Variants in NCLN observed in about 807,000 individuals in gnomAD.
The protein encoded by NCLN is nicalin.
NCLN carries 34 observed loss-of-function variants against 69.5 expected under a neutral mutation model. That is an observed-to-expected ratio of 0.49 (90% confidence interval 0.37 to 0.65). The LOEUF is 0.65. Among genes scored for constraint, NCLN ranks in the 30% least tolerant of loss-of-function variants. The pLI is 0.00. For missense variants in NCLN, 710 were observed against 804.8 expected, an observed-to-expected ratio of 0.88 and a Z score of 1.42; for synonymous variants, 393 against 358.3, an observed-to-expected ratio of 1.10 and a Z score of -1.09.
Position 3,204,094 on chromosome 19 carries a change from C to T in NCLN, c.979C>T (p.Pro327Ser), listed in dbSNP as rs777129294. 7 of 1,534,058 alleles carry T rather than the reference C, an allele frequency of 4.6e-6. No individual in the cohort carries two copies. Among genetic ancestry groups the T allele is most frequent in the South Asian group, 2.5e-5 (2 of 78,888 alleles). Residue 327 changes from proline to serine, a missense_variant, in exon 8 of 15, where the codon CCG becomes TCG. Physicochemically the swap from Pro to Ser is moderately conservative, Grantham distance 74 (BLOSUM62 -1). Coordinates refer to ENST00000246117, the MANE Select transcript of NCLN (RefSeq NM_020170.4). The part of the protein sequence containing the change: ...GSSLHLHVSK[P>S]PREGTLQHAF... ...CAGCCTGCACCTGCACGTGTCCAAG[C>T]CGCCTCGGGAGGGCACCCTGCAGCA...
Position 3,186,118 on chromosome 19 carries a change from C to G in NCLN, c.88C>G (p.Leu30Val), listed in dbSNP as rs1444816883. The G allele has an allele frequency of 6.3e-7, 1 of 1,598,120 alleles. No individual in the cohort carries two copies. Among genetic ancestry groups the G allele is most frequent in the Non-Finnish European group, 8.5e-7 (1 of 1,174,190 alleles). The change falls in exon 1 of 15, where the codon CTG becomes GTG. Residue 30 changes from leucine to valine, a missense_variant. By Grantham distance (32) the Leu-to-Val change is conservative. Transcript: ENST00000246117. ...LGFIVFLPAV[L>V]LLVAPPLPAA... is the part of the protein sequence containing the mutation. ...CTTCATCGTCTTCCTGCCCGCTGTG[C>G]TGCTGCTGGTGGCGCCGCCGCTGCC...
At chr19:3,193,791 A>G (rs1243608467) in intron 3 of NCLN, among the ~76,000 whole-genome samples, 1 of 151,642 alleles carries the variant, frequency 6.6e-6, no homozygotes, top group Non-Finnish European at 1.5e-5. Context: ...TCAGCATCAC[A>G]TCTCGAGTGG....
At position 3,204,621 on chromosome 19, in the gene NCLN, C is replaced by A; in HGVS notation, c.1078C>A (p.Arg360=). 2 of 1,602,428 alleles carry A rather than the reference C, an allele frequency of 1.2e-6. No individual in the cohort carries two copies. Among genetic ancestry groups the A allele is most frequent in the Non-Finnish European group, 8.5e-7 (1 of 1,174,926 alleles). ...GGTACGGTTCTCCATGGTGCACAAG[C>A]GGATCAACCTGGCGGAGGACGTGCT... ...PEVRFSMVHK[R]INLAEDVLAW... is the part of the protein sequence containing the mutation. Residue 360 remains arginine (R), a synonymous_variant, in exon 9 of 15, where the codon CGG becomes AGG. Coordinates refer to ENST00000246117, the MANE Select transcript of NCLN (RefSeq NM_020170.4).
In NCLN at chr19:3,206,471, G is replaced by A. The variant is rs1275680594; in HGVS notation, c.1499+46G>A. On this transcript the variant is annotated intron_variant, in intron 12 of 14. Transcript: ENST00000246117. ...TGGCCCCGTTCAGCCTGGGGCCGAGGGGGACCTCCCCCTACTGCATCTCCC... is the reference window on the plus strand; with the variant it reads ...TGGCCCCGTTCAGCCTGGGGCCGAGAGGGACCTCCCCCTACTGCATCTCCC... 4 of 1,516,964 alleles carry A rather than the reference G, an allele frequency of 2.6e-6. No individual in the cohort carries two copies. In the Admixed American group the frequency reaches 8.3e-5, roughly 31 times the overall value. The allele number at this position is 1,516,964 out of a possible 1,614,324, so 94.0% of individuals were successfully genotyped here.
At chr19:3,207,163 C>T (rs1916291839) in intron 12 of NCLN, 35 bp from the exon 13 acceptor site, 1 of 1,611,466 alleles carries the variant, frequency 6.2e-7, no homozygotes, top group Non-Finnish European at 8.5e-7. Context: ...TAGCTGGGCG[C>T]AGTGGTGCCC....
Position 3,201,364 on chromosome 19 carries a change from C to T in NCLN, c.697-159C>T, listed in dbSNP as rs561244980. Among the ~76,000 whole-genome samples, 3 of 152,188 alleles carry T rather than the reference C, an allele frequency of 2.0e-5. No homozygotes were observed. The South Asian group carries it at 6.2e-4, about 32-fold the overall frequency. ...TGGACGTGGCAGAGGGGCTGGGGGA[C>T]AGCACAGAGATGACCGTGGCTGCTG... On this transcript the variant is annotated intron_variant, in intron 5 of 14. Transcript: ENST00000246117.
chr19:3,201,235 G>A (rs542357046), intron 5 of NCLN, among the ~76,000 whole-genome samples: 2 of 152,320 alleles, frequency 1.3e-5, no homozygotes, highest in Admixed American at 6.5e-5. Context: ...GGCGCGGGCC[G>A]AGCCGAGGTG....
chr19:3,199,822 T>G (rs1339116265), intron 5 of NCLN, among the ~76,000 whole-genome samples: 1 of 150,138 alleles, frequency 6.7e-6, no homozygotes, highest in African/African-American at 2.5e-5. Context: ...TGCCTCAGTC[T>G]CCCGAGTAGC....
At chr19:3,204,896 C>A in intron 9 of NCLN, 145 bp downstream of exon 9, 1 of 911,880 alleles carries the variant, frequency 1.1e-6, no homozygotes. Flanking sequence ...TGGCCAAGGC[C>A]GGCTGCACGG....
chr19:3,202,136 C>T (rs567241039), intron 6 of NCLN, among the ~76,000 whole-genome samples: 92 of 152,230 alleles, frequency 6.0e-4, no homozygotes, highest in South Asian at 1.5e-3. Flanking sequence ...CACGGGCCCC[C>T]GAGAGACTAT....
At chr19:3,198,754 G>A (rs1448411455) in intron 4 of NCLN, 63 bp from the exon 5 acceptor site, 2 of 1,392,324 alleles carry the variant, frequency 1.4e-6, no homozygotes, top group Non-Finnish European at 9.8e-7. Flanking sequence ...GGGTCTCCAA[G>A]CCCCACACAC....
chr19:3,197,233 A>G (rs1165383918), intron 4 of NCLN, among the ~76,000 whole-genome samples: 1 of 152,158 alleles, frequency 6.6e-6, no homozygotes, highest in Non-Finnish European at 1.5e-5. Context: ...TCCGCATCCC[A>G]TGGGGCCATG....
At chr19:3,195,523 C>A (rs563682308) in intron 3 of NCLN, among the ~76,000 whole-genome samples, 140 of 152,200 alleles carry the variant, frequency 9.2e-4, no homozygotes, top group Non-Finnish European at 1.5e-3. Flanking sequence ...TGCTGGTATT[C>A]CAGGTGTGAG....
intron 6 of NCLN, among the ~76,000 whole-genome samples, chr19:3,202,428 C>T (rs1242741326): frequency 6.6e-6 from 1 of 152,202 alleles, no homozygotes; most frequent in African/African-American, 2.4e-5. Flanking sequence ...GGAGCACCCC[C>T]AGACGTAGCA....
chr19:3,187,341 C>T (rs1915697054), intron 1 of NCLN, among the ~76,000 whole-genome samples: 1 of 152,176 alleles, frequency 6.6e-6, no homozygotes, highest in Non-Finnish European at 1.5e-5. Flanking sequence ...CCCCTCAGGT[C>T]CCTGGAAGTC....
At chr19:3,193,499 C>G in intron 3 of NCLN, 71 bp downstream of exon 3, 1 of 1,479,374 alleles carries the variant, frequency 6.8e-7, no homozygotes. Flanking sequence ...CCAAGGGCTG[C>G]GGTCACCCTG....
chr19:3,192,865 G>T (rs1017789722), intron 2 of NCLN, among the ~76,000 whole-genome samples: 1 of 152,184 alleles, frequency 6.6e-6, no homozygotes, highest in Non-Finnish European at 1.5e-5. Flanking sequence ...AGGGAGGGCC[G>T]CTCCGGGCGT....
rs373106167 is a variant in NCLN at position 3,196,265 on chromosome 19, T to G, written c.603T>G (p.Ile201Met). The G allele has an allele frequency of 1.5e-5, 24 of 1,550,022 alleles. No individual in the cohort carries two copies. Among genetic ancestry groups the G allele is most frequent in the Admixed American group, 5.9e-5 (3 of 51,040 alleles). The change falls in exon 4 of 15, where the codon ATT (isoleucine) becomes ATG (methionine). Residue 201 changes from isoleucine (I) to methionine (M), a missense_variant. Ile to Met is a conservative substitution (Grantham distance 10). Transcript: ENST00000246117. ...GCAAGGCCGTGAGTGACTGGCTGAT[T>G]GCCAGCGTGGAGGTGAGTGCCGCCT... ...VQSKAVSDWL[I>M]ASVEGRLTGL...
chr19:3,199,600 G>A (rs1457313282), intron 5 of NCLN, among the ~76,000 whole-genome samples: 13 of 152,092 alleles, frequency 8.5e-5, no homozygotes, highest in South Asian at 8.3e-4. Flanking sequence ...TCAGGCCTGC[G>A]GCACAAGCTT....
Sources: gnomAD v4.1 joint callset for allele counts (sites outside exome capture counted in the v4.1 genomes callset) on GRCh38, gnomAD v4.1.1 for gene constraint, MANE v1.5 for transcripts, NCBI Gene and HGNC (gene_info 2026-07-23, HGNC 2026-07-21) for gene names.